NKAIN2: variants seen among roughly 807,000 people sequenced by gnomAD.
NKAIN2 encodes the protein sodium/potassium transporting ATPase interacting 2.
A neutral mutation model predicts 32.6 loss-of-function variants in NKAIN2; 14 were observed. That is an observed-to-expected ratio of 0.43 (90% CI 0.28 to 0.67). The LOEUF (loss-of-function observed/expected upper bound fraction) is 0.67, where lower values mean the gene tolerates loss of function less well. NKAIN2 is among the 30% of genes least tolerant of loss of function. The probability of loss-of-function intolerance (pLI) is 0.17; values close to 1 mark genes in which losing one functional copy is unlikely to be tolerated. For missense variants in NKAIN2, 198 were observed against 258.3 expected (o/e 0.77, Z 1.60); for synonymous variants, 80 against 87.2 (o/e 0.92, Z 0.46).
chr6:123,834,609 G>T (rs746147144), intron 1 of NKAIN2, among the ~76,000 whole-genome samples: 1 of 152,076 alleles, frequency 6.6e-6, no homozygotes, highest in Non-Finnish European at 1.5e-5. Context: ...GTATGATGTT[G>T]AAAAGTGGTA....
Position 123,944,992 on chromosome 6 carries a change from A to T in NKAIN2, c.54+140738A>T, listed in dbSNP as rs201634600. Among the ~76,000 whole-genome samples, 3 of 152,198 alleles carry T rather than the reference A, an allele frequency of 2.0e-5. No homozygotes were observed. In the East Asian group the frequency reaches 5.8e-4, roughly 29 times the overall value. On this transcript the variant is annotated intron_variant, in intron 1 of 6. Transcript: ENST00000368417. ...ACACAGACATATGTAGATTTTATGTATGGAAACTTGCAGATATAGGAATAT... is the reference window on the plus strand; with the variant it reads ...ACACAGACATATGTAGATTTTATGTTTGGAAACTTGCAGATATAGGAATAT...
chr6:124,377,672 A>G, intron 3 of NKAIN2, among the ~76,000 whole-genome samples: 1 of 152,286 alleles, frequency 6.6e-6, no homozygotes, highest in East Asian at 1.9e-4. Context: ...GGCAGGAATT[A>G]TATTATTGAC....
Position 124,391,659 on chromosome 6 carries a change from T to C in NKAIN2, c.273+36312T>C, listed in dbSNP as rs547666827. ...ACAGAGTCTAAGGTTAAATATAATTTTTCAAGTTGTCTTCTAAGATTCAGA... is the reference window on the plus strand; with the variant it reads ...ACAGAGTCTAAGGTTAAATATAATTCTTCAAGTTGTCTTCTAAGATTCAGA... On this transcript the variant is annotated intron_variant, in intron 3 of 6. Coordinates refer to ENST00000368417, the MANE Select transcript of NKAIN2 (RefSeq NM_001040214.3). Among the ~76,000 whole-genome samples, 10 of 152,256 alleles carry C rather than the reference T, an allele frequency of 6.6e-5. No individual in the cohort carries two copies. The South Asian group carries it at 1.5e-3, about 22-fold the overall frequency.
chr6:124,281,431 G>A (rs1275585551), intron 1 of NKAIN2, among the ~76,000 whole-genome samples: 1 of 152,138 alleles, frequency 6.6e-6, no homozygotes, highest in Non-Finnish European at 1.5e-5. Context: ...TGAAGGAATG[G>A]CTCATCAGAA....
intron 3 of NKAIN2, among the ~76,000 whole-genome samples, chr6:124,402,802 AG>A (rs1414885535): frequency 6.6e-6 from 1 of 152,150 alleles, no homozygotes; most frequent in Non-Finnish European, 1.5e-5. Context: ...GCCATACTTG[AG>A]GGTGGTGGAT....
intron 3 of NKAIN2, among the ~76,000 whole-genome samples, chr6:124,518,269 T>C (rs1432306962): frequency 7.1e-6 from 1 of 140,740 alleles, no homozygotes; most frequent in Non-Finnish European, 1.5e-5. Flanking sequence ...ATCATTACAG[T>C]AGTAATCAGT....
At chr6:123,894,148 T>TA (rs1212218361) in intron 1 of NKAIN2, among the ~76,000 whole-genome samples, 2 of 152,208 alleles carry the variant, frequency 1.3e-5, no homozygotes, top group African/African-American at 4.8e-5. Context: ...TCAGTTTTTT[T>TA]ATGTTTTTCA....
At chr6:124,431,010 T>C (rs532868699) in intron 3 of NKAIN2, among the ~76,000 whole-genome samples, 1 of 152,328 alleles carries the variant, frequency 6.6e-6, no homozygotes, top group East Asian at 1.9e-4. Flanking sequence ...GACATGTAAA[T>C]GGAACTTTAT....
chr6:124,043,104 TC>T (rs1401318675), intron 1 of NKAIN2, among the ~76,000 whole-genome samples: 2 of 152,092 alleles, frequency 1.3e-5, no homozygotes, highest in African/African-American at 2.4e-5. Flanking sequence ...ACACATGTAA[TC>T]CCAGCAATTT....
chr6:124,126,996 G>A (rs542732263), intron 1 of NKAIN2, among the ~76,000 whole-genome samples: 44 of 152,130 alleles, frequency 2.9e-4, no homozygotes, highest in African/African-American at 1.0e-3. Flanking sequence ...TAAAAATCAA[G>A]ATCAGTTTCA....
chr6:124,202,006 C>G (rs753641307), intron 1 of NKAIN2, among the ~76,000 whole-genome samples: 1 of 151,904 alleles, frequency 6.6e-6, no homozygotes, highest in African/African-American at 2.4e-5. Context: ...ACGTGGTTAG[C>G]TATAATTCTC....
chr6:124,675,299 A>G (rs1773299104), intron 4 of NKAIN2, among the ~76,000 whole-genome samples: 1 of 151,980 alleles, frequency 6.6e-6, no homozygotes, highest in Non-Finnish European at 1.5e-5. Context: ...TTTTGCTAGT[A>G]TTTGTTGAAG....
chr6:123,893,523 A>C (rs1443007622), intron 1 of NKAIN2, among the ~76,000 whole-genome samples: 1 of 152,212 alleles, frequency 6.6e-6, no homozygotes, highest in Non-Finnish European at 1.5e-5. Flanking sequence ...AGAATCTTAA[A>C]GCTCTAAAAG....
chr6:124,485,821 A>T (rs944955188), intron 3 of NKAIN2, among the ~76,000 whole-genome samples: 1 of 152,132 alleles, frequency 6.6e-6, no homozygotes, highest in Non-Finnish European at 1.5e-5. Context: ...GTTGATCCCA[A>T]AGTTTCCCTT....
At chr6:124,734,069 AC>A (rs1776818632) in intron 4 of NKAIN2, among the ~76,000 whole-genome samples, 1 of 150,820 alleles carries the variant, frequency 6.6e-6, no homozygotes, top group Non-Finnish European at 1.5e-5. Context: ...ATGCACACAC[AC>A]ACACACACAC....
At chr6:124,143,115 A>T (rs1787222694) in intron 1 of NKAIN2, among the ~76,000 whole-genome samples, 1 of 152,192 alleles carries the variant, frequency 6.6e-6, no homozygotes, top group African/African-American at 2.4e-5. Context: ...CTAAGCACAT[A>T]TTTAAACACA....
At chr6:124,173,304 C>T (rs1047614877) in intron 1 of NKAIN2, among the ~76,000 whole-genome samples, 1 of 152,058 alleles carries the variant, frequency 6.6e-6, no homozygotes, top group Non-Finnish European at 1.5e-5. Flanking sequence ...CTGTTCTACA[C>T]ATTCATTTTA....
chr6:124,372,641 G>A (rs1286696827), intron 3 of NKAIN2, among the ~76,000 whole-genome samples: 2 of 152,076 alleles, frequency 1.3e-5, no homozygotes, highest in Admixed American at 6.6e-5. Context: ...ACCATATATG[G>A]TGATTTTGCA....
chr6:124,276,293 A>AACACACACACACACACACAC (rs149321217), intron 1 of NKAIN2, among the ~76,000 whole-genome samples: 19 of 145,954 alleles, frequency 1.3e-4, no homozygotes, highest in African/African-American at 4.3e-4. Flanking sequence ...CCCCTTGGTG[A>AACACACACACACACACACAC]ACACACACAC....
Sources: allele counts gnomAD v4.1 joint callset (sites outside exome capture counted in the v4.1 genomes callset), GRCh38; gene constraint gnomAD v4.1.1; transcripts MANE v1.5; gene names NCBI Gene and HGNC (gene_info 2026-07-23, HGNC 2026-07-21).